MTBP: variants seen among roughly 807,000 people sequenced by gnomAD.
MTBP encodes the protein MDM2 binding protein.
MTBP carries 101 observed loss-of-function variants against 117.0 expected under a neutral mutation model. The ratio of observed to expected loss-of-function variants is 0.86; its 90% CI spans 0.73 to 1.02. The LOEUF (loss-of-function observed/expected upper bound fraction) is 1.02. Ranked by LOEUF, MTBP falls within the 50% of genes least tolerant of loss-of-function variation. The probability of loss-of-function intolerance (pLI) is 0.00; values close to 1 mark genes in which losing one functional copy is unlikely to be tolerated. For missense variants in MTBP, 970 were observed against 1,030.9 expected, an observed-to-expected ratio of 0.94 and a Z score of 0.81; for synonymous variants, 350 against 351.5, an observed-to-expected ratio of 1.00 and a Z score of 0.05.
At chr8:120,498,470 A>G (rs1341871390) in intron 14 of MTBP, among the ~76,000 whole-genome samples, 1 of 152,198 alleles carries the variant, frequency 6.6e-6, no homozygotes, top group East Asian at 1.9e-4. Flanking sequence ...TGGTTATAGC[A>G]TGGACTCTGG....
At chr8:120,465,065 A>G (rs758483670) in intron 10 of MTBP, among the ~76,000 whole-genome samples, 4 of 152,170 alleles carry the variant, frequency 2.6e-5, no homozygotes, top group Non-Finnish European at 5.9e-5. Flanking sequence ...AACTATTTGC[A>G]GAGACAGCTT....
chr8:120,461,018 A>G (rs1052555799), intron 8 of MTBP, 143 bp from the exon 9 acceptor site: 4 of 591,048 alleles, frequency 6.8e-6, no homozygotes, highest in African/African-American at 3.7e-5. Flanking sequence ...CTGGTCTGCT[A>G]TAGAGGATTA....
chr8:120,519,568 C>T (rs1040590579), intron 20 of MTBP, among the ~76,000 whole-genome samples: 7 of 152,106 alleles, frequency 4.6e-5, no homozygotes, highest in Admixed American at 4.6e-4. Context: ...CTGGTTAAAA[C>T]TGCAGATCTA....
chr8:120,503,285 A>G (rs1369226435), intron 15 of MTBP, among the ~76,000 whole-genome samples: 1 of 152,236 alleles, frequency 6.6e-6, no homozygotes, highest in Non-Finnish European at 1.5e-5. Context: ...CGCTGGGAAT[A>G]TGAGGAATAA....
intron 11 of MTBP, among the ~76,000 whole-genome samples, chr8:120,479,507 A>G (rs149760839): frequency 6.6e-6 from 1 of 152,238 alleles, no homozygotes; most frequent in African/African-American, 2.4e-5. Context: ...CTTGACTACC[A>G]ACCTTTATTG....
At chr8:120,489,963 C>T (rs549937920) in intron 12 of MTBP, among the ~76,000 whole-genome samples, 2 of 152,302 alleles carry the variant, frequency 1.3e-5, no homozygotes, top group Admixed American at 6.5e-5. Context: ...TAGTACATTT[C>T]CAGTGCATTC....
At chr8:120,521,350 T>C (rs1815004529) in intron 20 of MTBP, among the ~76,000 whole-genome samples, 1 of 152,198 alleles carries the variant, frequency 6.6e-6, no homozygotes, top group African/African-American at 2.4e-5. Flanking sequence ...TAGCACACAA[T>C]TGAAAGTATT....
rs200634126 is a variant in MTBP at position 120,495,758 on chromosome 8, A to AT, written c.1448-1626dup. 2.7e-3 allele frequency among the ~76,000 whole-genome samples: 413 copies of AT among 150,460 alleles called. 5 individuals carry two copies. Among genetic ancestry groups the AT allele is most frequent in the Admixed American group, 0.021 (318 of 15,096 alleles). On this transcript the variant is annotated intron_variant, in intron 13 of 21. Transcript: ENST00000305949. ...TTTTAGAGTCATTTTTTGTTCATTGATTTTTTTTTCTTTATCAAAGCATCC... is the reference window on the plus strand; with the variant it reads ...TTTTAGAGTCATTTTTTGTTCATTGATTTTTTTTTTCTTTATCAAAGCATCC...
chr8:120,500,414 T>A (rs541449704), intron 14 of MTBP, among the ~76,000 whole-genome samples: 1 of 152,350 alleles, frequency 6.6e-6, no homozygotes, highest in East Asian at 1.9e-4. Context: ...ATTGTAATAT[T>A]TAGGAACAAT....
At chr8:120,478,261 G>T (rs1813991215) in intron 11 of MTBP, among the ~76,000 whole-genome samples, 1 of 152,156 alleles carries the variant, frequency 6.6e-6, no homozygotes, top group African/African-American at 2.4e-5. Context: ...CAGGGTATGG[G>T]GGGCTAGGGG....
Position 120,517,834 on chromosome 8 carries a change from T to G in MTBP, c.2247-17T>G. 6.3e-7 allele frequency: 1 copy of G among 1,596,606 alleles called. No individual in the cohort carries two copies. Among genetic ancestry groups the G allele is most frequent in the Non-Finnish European group, 8.5e-7 (1 of 1,170,954 alleles). ...TCGCTTAATCTACGTTCTTGATTTT[T>G]TTCCCCTGCTATATAGACTTGTGAA... On this transcript the variant is annotated splice_polypyrimidine_tract_variant and intron_variant, in intron 18 of 21. Coordinates refer to ENST00000305949, the MANE Select transcript of MTBP (RefSeq NM_022045.5).
Position 120,509,940 on chromosome 8 carries a change from G to C in MTBP, c.1890G>C (p.Lys630Asn), listed in dbSNP as rs920169255. The C allele has an allele frequency of 1.4e-5, 22 of 1,607,638 alleles. No individual in the cohort carries two copies. Among genetic ancestry groups the C allele is most frequent in the Non-Finnish European group, 1.8e-5 (21 of 1,177,470 alleles). The change falls in exon 17 of 22, where the codon AAG (lysine) becomes AAC (asparagine). Residue 630 changes from lysine (K) to asparagine (N), a missense_variant. Lys to Asn is a moderately conservative substitution (Grantham distance 94). Coordinates refer to ENST00000305949, the MANE Select transcript of MTBP (RefSeq NM_022045.5). ...LQPLPIQKGE[K>N]TFVLTPELSP... is the part of the protein sequence containing the mutation. ...GAAAAATTTTTTGTTTCAGGGAAAA[G>C]ACTTTTGTTTTGACACCAGAACTTA...
At position 120,445,598 on chromosome 8, in the gene MTBP, G is replaced by T; in HGVS notation, c.118+10G>T. The T allele has an allele frequency of 6.3e-7, 1 of 1,595,132 alleles. No individual in the cohort carries two copies. The highest frequency in any genetic ancestry group is 8.5e-7 in the Non-Finnish European group (1 of 1,171,214). Reference sequence around the variant, plus strand: ...ACTGAGAATCAGCCGGGTAAGCGCTGGGATGAGAAAGAGCGGGAACGGCTT... The same window carrying T: ...ACTGAGAATCAGCCGGGTAAGCGCTTGGATGAGAAAGAGCGGGAACGGCTT... On this transcript the variant is annotated intron_variant, in intron 1 of 21. Coordinates refer to ENST00000305949, the MANE Select transcript of MTBP (RefSeq NM_022045.5).
chr8:120,467,973 G>A (rs1282389250), intron 10 of MTBP, among the ~76,000 whole-genome samples: 2 of 152,120 alleles, frequency 1.3e-5, no homozygotes, highest in Non-Finnish European at 2.9e-5. Flanking sequence ...TGTTGAGAAA[G>A]CTATAACTGG....
chr8:120,465,526 GA>G (rs1354705839), intron 10 of MTBP, among the ~76,000 whole-genome samples: 11 of 152,012 alleles, frequency 7.2e-5, no homozygotes, highest in African/African-American at 2.7e-4. Flanking sequence ...CCAAATGATG[GA>G]CACACATATG....
chr8:120,477,150 G>A (rs184779090), intron 11 of MTBP, among the ~76,000 whole-genome samples: 111 of 152,282 alleles, frequency 7.3e-4, no homozygotes, highest in African/African-American at 2.5e-3. Flanking sequence ...AAACAATGGG[G>A]AAAGGATTCC....
At chr8:120,500,994 A>G (rs1044978288) in intron 14 of MTBP, among the ~76,000 whole-genome samples, 5 of 152,136 alleles carry the variant, frequency 3.3e-5, no homozygotes, top group African/African-American at 1.2e-4. Context: ...GATCGAGACC[A>G]TCCTGGCCAA....
chr8:120,483,526 T>C (rs1371458513), intron 11 of MTBP, among the ~76,000 whole-genome samples: 2 of 152,228 alleles, frequency 1.3e-5, no homozygotes, highest in African/African-American at 4.8e-5. Context: ...ATTATAATTT[T>C]GTTTACATAT....
intron 16 of MTBP, 115 bp from the exon 17 acceptor site, chr8:120,509,819 T>C (rs1814763873): frequency 3.0e-6 from 2 of 658,756 alleles, no homozygotes; most frequent in Non-Finnish European, 2.6e-6. Context: ...CTTTGTCCCA[T>C]ATAAAATTCC....
Sources: allele counts gnomAD v4.1 joint callset (sites outside exome capture counted in the v4.1 genomes callset), GRCh38; gene constraint gnomAD v4.1.1; transcripts MANE v1.5; gene names NCBI Gene and HGNC (gene_info 2026-07-23, HGNC 2026-07-21).